The following MTREX variants were observed in gnomAD, a reference collection of about 807,000 sequenced individuals.
The protein encoded by MTREX is exosome RNA helicase MTR4.
In MTREX, 76 loss-of-function variants were observed where a neutral mutation model predicts 135.4. That is an observed-to-expected ratio of 0.56 (90% CI 0.47 to 0.68). The LOEUF is 0.68. Ranked by LOEUF, MTREX falls within the 30% of genes least tolerant of loss-of-function variation. The probability of loss-of-function intolerance (pLI) is 0.00; values close to 1 mark genes in which losing one functional copy is unlikely to be tolerated. For synonymous variants in MTREX, 404 were observed against 401.6 expected, an observed-to-expected ratio of 1.01 and a Z score of -0.07; for missense variants, 920 against 1,262.1, an observed-to-expected ratio of 0.73 and a Z score of 4.11.
intron 23 of MTREX, among the ~76,000 whole-genome samples, chr5:55,411,008 C>T (rs965264101): frequency 6.6e-6 from 1 of 152,130 alleles, no homozygotes; most frequent in African/African-American, 2.4e-5. Flanking sequence ...CTCTCCTCCC[C>T]GGTGTTGAAG....
At chr5:55,405,697 C>A (rs923529340) in intron 22 of MTREX, 109 bp downstream of exon 22, 2 of 879,644 alleles carry the variant, frequency 2.3e-6, no homozygotes, top group Non-Finnish European at 3.5e-6. Context: ...GGCTGGAGTG[C>A]ACTGGCGCAA....
chr5:55,321,089 T>C (rs577226420), intron 1 of MTREX, among the ~76,000 whole-genome samples: 1 of 152,348 alleles, frequency 6.6e-6, no homozygotes, highest in African/African-American at 2.4e-5. Flanking sequence ...CATGTTAATA[T>C]GTAGTGGTTT....
At chr5:55,347,549 T>G (rs1749758437) in intron 11 of MTREX, among the ~76,000 whole-genome samples, 1 of 152,242 alleles carries the variant, frequency 6.6e-6, no homozygotes, top group South Asian at 2.1e-4. Context: ...CAGTAAGACC[T>G]GCCCTTTGCT....
intron 21 of MTREX, chr5:55,405,167 C>T (rs1750783057): frequency 1.1e-5 from 3 of 269,880 alleles, no homozygotes; most frequent in African/African-American, 4.4e-5. Flanking sequence ...TTCAAATGGA[C>T]ATTTTGTATT....
At chr5:55,397,224 TATTTTTTA>T (rs1363435844) in intron 19 of MTREX, among the ~76,000 whole-genome samples, 184 bp from the exon 20 acceptor site, 1 of 152,230 alleles carries the variant, frequency 6.6e-6, no homozygotes, top group Non-Finnish European at 1.5e-5. Flanking sequence ...AACTGGTTTT[TATTTTTTA>T]AATACAGTCT....
Position 55,414,194 on chromosome 5 carries a change from C to A in MTREX, c.2764C>A (p.Pro922Thr). ...FVFQENSSEM[P>T]KLTEQLAGPL... ...TTTTCTTTTATAGTCTAGTGAGATG[C>A]CCAAATTAACAGAACAATTAGCAGG... The change falls in exon 24 of 27, where the codon CCC (proline) becomes ACC (threonine). Residue 922 changes from proline (P) to threonine (T), a missense_variant. Pro to Thr is a conservative substitution (Grantham distance 38). Transcript: ENST00000230640. 1 of 1,570,460 alleles carries A rather than the reference C, an allele frequency of 6.4e-7. No homozygotes were observed. The highest frequency in any genetic ancestry group is 8.6e-7 in the Non-Finnish European group (1 of 1,167,518).
Position 55,391,395 on chromosome 5 carries a change from C to T in MTREX, c.2181+3293C>T, listed in dbSNP as rs935367636. Among the ~76,000 whole-genome samples, 6 of 152,130 alleles carry T rather than the reference C, an allele frequency of 3.9e-5. No individual in the cohort carries two copies. In the East Asian group the frequency reaches 7.7e-4, roughly 20 times the overall value. ...CCAGGAGGTTAGGGCTGCAGTGAGCCGTGACCATGCCACTGCACTCCAGCC... is the reference window on the plus strand; with the variant it reads ...CCAGGAGGTTAGGGCTGCAGTGAGCTGTGACCATGCCACTGCACTCCAGCC... On this transcript the variant is annotated intron_variant, in intron 19 of 26. Transcript: ENST00000230640.
At chr5:55,320,777 C>T (rs1373395840) in intron 1 of MTREX, among the ~76,000 whole-genome samples, 1 of 152,144 alleles carries the variant, frequency 6.6e-6, no homozygotes, top group Non-Finnish European at 1.5e-5. Flanking sequence ...CAATTCATGA[C>T]TAAATGGAAT....
chr5:55,401,546 C>T (rs1005107021), intron 21 of MTREX, among the ~76,000 whole-genome samples: 2 of 152,090 alleles, frequency 1.3e-5, no homozygotes, highest in African/African-American at 4.8e-5. Flanking sequence ...CTATATTTAC[C>T]TTTATTCTCA....
chr5:55,345,020 G>T, intron 9 of MTREX, 74 bp from the exon 10 acceptor site: 1 of 836,224 alleles, frequency 1.2e-6, no homozygotes, highest in Non-Finnish European at 2.0e-6. Flanking sequence ...ATTTGGGGAA[G>T]CCTTATGTAT....
Position 55,345,350 on chromosome 5 carries a change from CATT to C in MTREX, c.1108+156_1108+158del, listed in dbSNP as rs1312612690. On this transcript the variant is annotated intron_variant, in intron 10 of 26. Transcript: ENST00000230640. Reference sequence around the variant, plus strand: ...ATAAATATTTATCTTTTTTGTATGACATTAAGTATAATTTACATACTATAAAAT... The same window carrying C: ...ATAAATATTTATCTTTTTTGTATGACAAGTATAATTTACATACTATAAAAT... 3.9e-5 allele frequency among the ~76,000 whole-genome samples: 6 copies of C among 152,044 alleles called. No individual in the cohort carries two copies. The East Asian group carries it at 5.8e-4, about 15-fold the overall frequency.
chr5:55,386,178 C>A (rs1750478584), intron 18 of MTREX, among the ~76,000 whole-genome samples: 1 of 152,076 alleles, frequency 6.6e-6, no homozygotes. Flanking sequence ...TTGTAATTGT[C>A]AATGTTATTT....
At chr5:55,371,965 T>G (rs190037623) in intron 16 of MTREX, among the ~76,000 whole-genome samples, 1 of 152,172 alleles carries the variant, frequency 6.6e-6, no homozygotes, top group East Asian at 1.9e-4. Context: ...TGATTTGGAG[T>G]GATATAAAAA....
intron 21 of MTREX, among the ~76,000 whole-genome samples, chr5:55,401,053 G>T (rs1561209104): frequency 1.3e-5 from 2 of 152,138 alleles, no homozygotes; most frequent in Non-Finnish European, 2.9e-5. Context: ...GTGTGTGTGT[G>T]AGACAGAGTC....
intron 10 of MTREX, 64 bp downstream of exon 10, chr5:55,345,260 A>AT (rs1410300390): frequency 1.9e-6 from 2 of 1,064,152 alleles, no homozygotes; most frequent in Admixed American, 2.2e-5. Context: ...TTACTCTGAT[A>AT]TTTTTTGTCT....
At chr5:55,400,617 A>T (rs777315643) in intron 21 of MTREX, among the ~76,000 whole-genome samples, 196 bp downstream of exon 21, 1 of 152,202 alleles carries the variant, frequency 6.6e-6, no homozygotes, top group Non-Finnish European at 1.5e-5. Flanking sequence ...CTATAGTTTG[A>T]TATTTCACAT....
chr5:55,322,441 A>G lies in MTREX; in HGVS notation c.249A>G (p.Glu83=), dbSNP rs751742974. Residue 83 remains glutamate (E), a synonymous_variant, in exon 2 of 27, where the codon GAA becomes GAG. Coordinates refer to ENST00000230640, the MANE Select transcript of MTREX (RefSeq NM_015360.5). ...EPIFGKKPRI[E]ESITEDLSLA... ...TTTTTGGAAAGAAGCCCAGGATAGA[A>G]GAGTCAATAACTGAAGACTTAAGGT... The G allele has an allele frequency of 4.4e-6, 7 of 1,603,548 alleles. No individual in the cohort carries two copies. In the Admixed American group the frequency reaches 1.2e-4, roughly 28 times the overall value.
chr5:55,396,713 A>G (rs1750652529), intron 19 of MTREX, among the ~76,000 whole-genome samples: 1 of 152,226 alleles, frequency 6.6e-6, no homozygotes, highest in South Asian at 2.1e-4. Context: ...TTTGTTCAGT[A>G]AAGCACTGTG....
intron 16 of MTREX, 77 bp from the exon 17 acceptor site, chr5:55,378,237 G>C (rs992029180): frequency 6.2e-6 from 9 of 1,450,850 alleles, no homozygotes; most frequent in Non-Finnish European, 8.2e-6. Flanking sequence ...CAACCTAATA[G>C]AAAAAATCCT....
Sources: allele counts gnomAD v4.1 joint callset (sites outside exome capture counted in the v4.1 genomes callset), GRCh38; gene constraint gnomAD v4.1.1; transcripts MANE v1.5; gene names NCBI Gene and HGNC (gene_info 2026-07-23, HGNC 2026-07-21).